The following UGGT1 variants were observed in gnomAD, a reference collection of about 807,000 sequenced individuals.
UGGT1 encodes UDP-glucose:glycoprotein glucosyltransferase 1.
In UGGT1, 107 loss-of-function variants were observed where a neutral mutation model predicts 203.9. The ratio of observed to expected loss-of-function variants is 0.52; its 90% CI spans 0.45 to 0.62. The LOEUF is 0.62. Ranked by LOEUF, UGGT1 falls within the 20% of genes least tolerant of loss-of-function variation. The pLI, the probability that UGGT1 is intolerant of heterozygous loss-of-function variation, is 0.00. For missense variants in UGGT1, 1,673 were observed against 1,867.2 expected (o/e 0.90, Z 1.92); for synonymous variants, 628 against 653.5 (o/e 0.96, Z 0.59).
intron 1 of UGGT1, among the ~76,000 whole-genome samples, chr2:128,093,762 A>G (rs1309889824): frequency 6.6e-6 from 1 of 152,174 alleles, no homozygotes; most frequent in Non-Finnish European, 1.5e-5. Context: ...AAGCACTGCT[A>G]TTTATTAGTT....
chr2:128,136,717 G>C (rs1377706251), intron 15 of UGGT1, among the ~76,000 whole-genome samples: 2 of 152,206 alleles, frequency 1.3e-5, no homozygotes, highest in African/African-American at 2.4e-5. Context: ...GCTTCTTCGG[G>C]TAAATACCGA....
intron 26 of UGGT1, among the ~76,000 whole-genome samples, chr2:128,165,995 CAA>C (rs980724601): frequency 3.5e-4 from 54 of 152,242 alleles, no homozygotes; most frequent in African/African-American, 1.3e-3. Context: ...CTCCTAGGCT[CAA>C]GTTATTCATC....
chr2:128,117,091 A>G (rs1274087831), intron 8 of UGGT1, among the ~76,000 whole-genome samples: 3 of 151,930 alleles, frequency 2.0e-5, no homozygotes, highest in Non-Finnish European at 4.4e-5. Flanking sequence ...TTTTTTATTT[A>G]TTTATTTATT....
chr2:128,176,465 G>A (rs1212239105), intron 31 of UGGT1, among the ~76,000 whole-genome samples: 3 of 151,270 alleles, frequency 2.0e-5, no homozygotes, highest in Admixed American at 1.3e-4. Context: ...TAATGGTTCA[G>A]GGGGCCTGTT....
At chr2:128,138,545 A>G (rs1689254712) in intron 15 of UGGT1, among the ~76,000 whole-genome samples, 172 bp from the exon 16 acceptor site, 1 of 151,964 alleles carries the variant, frequency 6.6e-6, no homozygotes, top group Non-Finnish European at 1.5e-5. Flanking sequence ...TAAGTGGTGT[A>G]TGTATACCTT....
intron 14 of UGGT1, 146 bp downstream of exon 14, chr2:128,133,406 G>C: frequency 1.7e-6 from 2 of 1,151,992 alleles, no homozygotes; most frequent in Non-Finnish European, 2.5e-6. Flanking sequence ...GTTCACACTG[G>C]AAAGGCTTTG....
rs992790640 is a variant in UGGT1 at position 128,182,172 on chromosome 2, G to A, written c.4126G>A (p.Asp1376Asn). 1 of 1,614,032 alleles carries A rather than the reference G, an allele frequency of 6.2e-7. No individual in the cohort carries two copies. Among genetic ancestry groups the A allele is most frequent in the African/African-American group, 1.3e-5 (1 of 74,928 alleles). Reference sequence around the variant, plus strand: ...GAAAGAGTTAAGAGATTTCAATTTGGATGGTGCTCCTTATGGTTACACTCC... The same window carrying A: ...GAAAGAGTTAAGAGATTTCAATTTGAATGGTGCTCCTTATGGTTACACTCC... Reference protein sequence around the residue: ...DLKELRDFNLDGAPYGYTPFC... With the variant: ...DLKELRDFNLNGAPYGYTPFC... The change falls in exon 37 of 41, where the codon GAT becomes AAT. Residue 1376 changes from aspartate to asparagine, a missense_variant. Physicochemically the swap from Asp to Asn is conservative, Grantham distance 23. Coordinates refer to ENST00000259253, the MANE Select transcript of UGGT1 (RefSeq NM_020120.4).
At position 128,181,217 on chromosome 2, in the gene UGGT1, T is replaced by A. The variant is rs999074441; in HGVS notation, c.4083+145T>A. On this transcript the variant is annotated intron_variant, in intron 36 of 40. Coordinates refer to ENST00000259253, the MANE Select transcript of UGGT1 (RefSeq NM_020120.4). ...GAAAATATGTATCACATAGATGTCA[T>A]CACTTTTTAAATTTGCATTTAGCTT... 3 of 768,420 alleles carry A rather than the reference T, an allele frequency of 3.9e-6. No homozygotes were observed. In the African/African-American group the frequency reaches 5.3e-5, roughly 14 times the overall value. 47.6% of individuals were successfully genotyped at this position (768,420 alleles called of 1,614,324 possible). A position where few individuals can be genotyped will look rare whatever the true frequency, so the allele number is the denominator to read the frequency against.
intron 24 of UGGT1, 41 bp downstream of exon 24, chr2:128,160,632 A>G (rs1018506443): frequency 3.3e-5 from 52 of 1,581,676 alleles, no homozygotes; most frequent in Non-Finnish European, 4.3e-5. Context: ...AGATCCGTGA[A>G]CAGTCTTTGC....
At chr2:128,134,536 C>T (rs1689039220) in intron 14 of UGGT1, among the ~76,000 whole-genome samples, 2 of 152,180 alleles carry the variant, frequency 1.3e-5, no homozygotes, top group Non-Finnish European at 2.9e-5. Flanking sequence ...TTCAGAGATC[C>T]TCAGAAATGA....
chr2:128,117,940 G>A (rs957362157), intron 8 of UGGT1, among the ~76,000 whole-genome samples: 1 of 149,666 alleles, frequency 6.7e-6, no homozygotes, highest in African/African-American at 2.5e-5. Context: ...GCTTTATCTG[G>A]CAGTTTTTAT....
rs180726855 is a variant in UGGT1, at chr2:128,178,358, C to T, written c.3714-110C>T. 1,657 of 944,014 alleles carry T rather than the reference C, an allele frequency of 1.8e-3. 4 individuals carry two copies. Among genetic ancestry groups the T allele is most frequent in the Non-Finnish European group, 2.0e-3 (1,227 of 620,626 alleles). The allele number at this position is 944,014 out of a possible 1,614,324, so 58.5% of individuals were successfully genotyped here. ...AGCTTCATAACCACTCCTGCTGCAG[C>T]TCACCCGCTAGGGAAGGATGGGAAG... is the stretch of plus-strand genomic sequence containing the variant. On this transcript the variant is annotated intron_variant, in intron 33 of 40. Transcript: ENST00000259253.
At chr2:128,162,455 C>T (rs1690574702) in intron 25 of UGGT1, among the ~76,000 whole-genome samples, 1 of 151,498 alleles carries the variant, frequency 6.6e-6, no homozygotes, top group Non-Finnish European at 1.5e-5. Context: ...AAAAAAAGTT[C>T]TGCTGGGTTT....
At position 128,158,884 on chromosome 2, in the gene UGGT1, G is replaced by A. The variant is rs866076425; in HGVS notation, c.2356-630G>A. On this transcript the variant is annotated intron_variant, in intron 22 of 40. Coordinates refer to ENST00000259253, the MANE Select transcript of UGGT1 (RefSeq NM_020120.4). Reference sequence around the variant, plus strand: ...CTGAAAACACTTCTAAAACAAGTGCGTTAGAAGAATACAAAATGTGTGGCA... The same window carrying A: ...CTGAAAACACTTCTAAAACAAGTGCATTAGAAGAATACAAAATGTGTGGCA... 2.0e-4 allele frequency among the ~76,000 whole-genome samples: 30 copies of A among 152,206 alleles called. No individual in the cohort carries two copies. In the Middle Eastern group the frequency reaches 0.01, roughly 52 times the overall value.
At position 128,129,132 on chromosome 2, in the gene UGGT1, C is replaced by T. The variant is rs1195339470; in HGVS notation, c.1330C>T (p.Pro444Ser). The T allele has an allele frequency of 6.2e-7, 1 of 1,614,018 alleles. No homozygotes were observed. The highest frequency in any genetic ancestry group is 8.5e-7 in the Non-Finnish European group (1 of 1,179,998). Reference sequence around the variant, plus strand: ...TAATGTTTTGAAGCTGAACATCCAGCCCTCTGAGGCAGACTATGCCGTAGA... The same window carrying T: ...TAATGTTTTGAAGCTGAACATCCAGTCCTCTGAGGCAGACTATGCCGTAGA... The part of the protein sequence containing the change: ...LHNVLKLNIQ[P>S]SEADYAVDIR... The change falls in exon 13 of 41, where the codon CCC becomes TCC. Residue 444 changes from proline to serine, a missense_variant. Transcript: ENST00000259253.
chr2:128,166,546 C>T (rs1690798878), intron 26 of UGGT1, among the ~76,000 whole-genome samples: 1 of 152,088 alleles, frequency 6.6e-6, no homozygotes, highest in South Asian at 2.1e-4. Context: ...TGTTTTGGTC[C>T]AGATTACATA....
intron 26 of UGGT1, 85 bp downstream of exon 26, chr2:128,164,910 A>T: frequency 4.1e-6 from 4 of 969,316 alleles, no homozygotes. Context: ...ATTTTTCCAT[A>T]TAAGATTTAT....
chr2:128,160,635 G>A (rs1390929479), intron 24 of UGGT1, 44 bp downstream of exon 24: 3 of 1,573,432 alleles, frequency 1.9e-6, no homozygotes, highest in African/African-American at 2.7e-5. Context: ...TCCGTGAACA[G>A]TCTTTGCAGC....
intron 16 of UGGT1, among the ~76,000 whole-genome samples, chr2:128,141,810 CAA>C (rs780490123): frequency 4.7e-5 from 5 of 105,858 alleles, no homozygotes; most frequent in Non-Finnish European, 8.1e-5. Flanking sequence ...AACTCCATCT[CAA>C]AAAAAAAAAA....
Sources: gnomAD v4.1 joint callset for allele counts (sites outside exome capture counted in the v4.1 genomes callset) on GRCh38, gnomAD v4.1.1 for gene constraint, MANE v1.5 for transcripts, NCBI Gene and HGNC (gene_info 2026-07-23, HGNC 2026-07-21) for gene names.